The following CCDC50 variants were observed in gnomAD, a reference collection of about 807,000 sequenced individuals.
The protein encoded by CCDC50 is coiled-coil domain containing 50.
CCDC50 carries 54 observed loss-of-function variants against 70.2 expected under a neutral mutation model. That is an observed-to-expected ratio of 0.77 (90% confidence interval 0.62 to 0.96). The LOEUF is 0.96. CCDC50 is among the 50% of genes least tolerant of loss of function. The probability of loss-of-function intolerance (pLI) is 0.00; values close to 1 mark genes in which losing one functional copy is unlikely to be tolerated. For missense variants in CCDC50, 558 were observed against 578.7 expected (o/e 0.96, Z 0.37); for synonymous variants, 216 against 198.8 (o/e 1.09, Z -0.73).
chr3:191,389,626 G>A (rs764463886), intron 11 of CCDC50, 24 bp downstream of exon 11: 2 of 1,539,128 alleles, frequency 1.3e-6, no homozygotes, highest in Non-Finnish European at 1.8e-6. Context: ...GTATGGTCAA[G>A]TTTAGGATCT....
intron 5 of CCDC50, chr3:191,370,388 C>T (rs187558869): frequency 3.5e-5 from 10 of 283,132 alleles, no homozygotes; most frequent in African/African-American, 1.4e-4. Flanking sequence ...CAACAGGCCC[C>T]GGTGTGTGAT....
chr3:191,332,838 T>C (rs1718036098), intron 1 of CCDC50, among the ~76,000 whole-genome samples: 1 of 152,250 alleles, frequency 6.6e-6, no homozygotes, highest in Non-Finnish European at 1.5e-5. Context: ...GTCCACTTGC[T>C]GTAATTTTGC....
intron 10 of CCDC50, among the ~76,000 whole-genome samples, chr3:191,387,911 G>T (rs1456599931): frequency 2.0e-5 from 3 of 152,060 alleles, no homozygotes; most frequent in Non-Finnish European, 4.4e-5. Context: ...TCTTGGGCCT[G>T]AGTCACTTCT....
At chr3:191,357,816 T>C (rs1712342084) in intron 2 of CCDC50, among the ~76,000 whole-genome samples, 182 bp from the exon 3 acceptor site, 1 of 152,224 alleles carries the variant, frequency 6.6e-6, no homozygotes, top group Admixed American at 6.5e-5. Context: ...GATCCTCTTT[T>C]TACTTAATGG....
At chr3:191,384,662 T>A (rs1269174484) in intron 10 of CCDC50, among the ~76,000 whole-genome samples, 1 of 152,142 alleles carries the variant, frequency 6.6e-6, no homozygotes, top group Non-Finnish European at 1.5e-5. Flanking sequence ...TGTTGTTATT[T>A]TTCAAAAATT....
At chr3:191,367,588 A>G (rs915248728) in intron 4 of CCDC50, among the ~76,000 whole-genome samples, 1 of 152,174 alleles carries the variant, frequency 6.6e-6, no homozygotes, top group Non-Finnish European at 1.5e-5. Context: ...GTACAATGGA[A>G]AGTCTGAACT....
At chr3:191,364,922 G>GTTCTCCCTAGGCTCTTTTACA (rs1712629242) in intron 4 of CCDC50, among the ~76,000 whole-genome samples, 1 of 151,780 alleles carries the variant, frequency 6.6e-6, no homozygotes, top group Non-Finnish European at 1.5e-5. Context: ...CTCGAATATG[G>GTTCTCCCTAGGCTCTTTTACA]TAGTTCTCCC....
intron 6 of CCDC50, 117 bp downstream of exon 6, chr3:191,375,706 G>A: frequency 9.2e-7 from 1 of 1,090,318 alleles, no homozygotes; most frequent in South Asian, 1.4e-5. Context: ...TCATGACTTT[G>A]AAATAAATCC....
At chr3:191,343,661 G>T (rs1711811480) in intron 1 of CCDC50, among the ~76,000 whole-genome samples, 1 of 152,100 alleles carries the variant, frequency 6.6e-6, no homozygotes, top group Non-Finnish European at 1.5e-5. Context: ...TTTAAAGAAG[G>T]TACAGGAGAC....
At chr3:191,376,781 G>A (rs753011454) in intron 6 of CCDC50, among the ~76,000 whole-genome samples, 1 of 152,116 alleles carries the variant, frequency 6.6e-6, no homozygotes, top group African/African-American at 2.4e-5. Context: ...AAAAATAGAG[G>A]AAAGTGTGAT....
Position 191,380,703 on chromosome 3 carries a change from T to C in CCDC50, c.1109T>C (p.Met370Thr). ...EEELLATQVDMRAAQVAQDEE... is the reference protein window; with the variant it reads ...EEELLATQVDTRAAQVAQDEE... ...ATATCATAGGCTACCCAGGTGGACA[T>C]GAGAGCCGCTCAAGTAGCTCAAGAT... The change falls in exon 8 of 12, where the codon ATG becomes ACG. Residue 370 changes from methionine to threonine, a missense_variant. Physicochemically the swap from Met to Thr is moderately conservative, Grantham distance 81. Transcript: ENST00000392455. 1 of 1,612,672 alleles carries C rather than the reference T, an allele frequency of 6.2e-7. No individual in the cohort carries two copies. Among genetic ancestry groups the C allele is most frequent in the Non-Finnish European group, 8.5e-7 (1 of 1,179,148 alleles).
intron 5 of CCDC50, chr3:191,370,371 C>A (rs1344898747): frequency 3.4e-6 from 1 of 296,616 alleles, no homozygotes; most frequent in East Asian, 9.1e-5. Context: ...CCCCTCCCCC[C>A]ACCCCACAAC....
In CCDC50 at chr3:191,398,029, A is replaced by G. The variant is rs1043305677; in HGVS notation, c.*6269A>G. Reference sequence around the variant, plus strand: ...ATATACACTCATCTGGACTAGGCCAATGGAAGCAGTCTCTTTCAGTTCACC... The same window carrying G: ...ATATACACTCATCTGGACTAGGCCAGTGGAAGCAGTCTCTTTCAGTTCACC... On this transcript the variant is annotated 3_prime_UTR_variant, in exon 12 of 12. Coordinates refer to ENST00000392455, the MANE Select transcript of CCDC50 (RefSeq NM_178335.3). 44 of 152,218 alleles carry G rather than the reference A, an allele frequency of 2.9e-4. 2 individuals are homozygous for G. The highest frequency in any genetic ancestry group is 2.7e-3 in the Admixed American group (41 of 15,276). The allele number at this position is 152,218 out of a possible 1,614,324, so 9.4% of individuals were successfully genotyped here.
chr3:191,348,373 C>A (rs1449963317), intron 1 of CCDC50, among the ~76,000 whole-genome samples: 1 of 142,448 alleles, frequency 7.0e-6, no homozygotes, highest in African/African-American at 2.5e-5. Flanking sequence ...AAACCAATAA[C>A]CATAAGAATC....
At chr3:191,362,787 A>G (rs904178256) in intron 4 of CCDC50, among the ~76,000 whole-genome samples, 1 of 152,300 alleles carries the variant, frequency 6.6e-6, no homozygotes, top group East Asian at 1.9e-4. Flanking sequence ...TGAATGTGAA[A>G]CACCTGGTAT....
chr3:191,335,159 CAT>C (rs993298985), intron 1 of CCDC50, among the ~76,000 whole-genome samples: 3 of 152,092 alleles, frequency 2.0e-5, no homozygotes, highest in Admixed American at 6.6e-5. Flanking sequence ...TGACAAAAAA[CAT>C]GTGAGTTTCA....
intron 1 of CCDC50, among the ~76,000 whole-genome samples, chr3:191,340,895 G>T (rs543789651): frequency 3.3e-5 from 5 of 152,260 alleles, no homozygotes; most frequent in African/African-American, 1.2e-4. Flanking sequence ...GCGTGCAGTG[G>T]TGCAGTCATA....
In CCDC50 at chr3:191,329,937, G is replaced by T. The variant is rs112686490; in HGVS notation, c.49+214G>T. Among the ~76,000 whole-genome samples the T allele has an allele frequency of 0.019, 1,877 of 99,296 alleles. 72 individuals are homozygous for T. The highest frequency in any genetic ancestry group is 0.093 in the African/African-American group (1,789 of 19,194). 65.1% of individuals were successfully genotyped at this position (99,296 alleles called of 152,430 possible). ...TCCAAGCCCGTTTTTTCTCAAGGGG[G>T]TGGTTGGGGGGGGGGGGGGCTAGCA... On this transcript the variant is annotated intron_variant, in intron 1 of 11. Transcript: ENST00000392455.
intron 10 of CCDC50, among the ~76,000 whole-genome samples, chr3:191,383,653 T>C (rs1184429567): frequency 6.6e-6 from 1 of 152,216 alleles, no homozygotes; most frequent in Non-Finnish European, 1.5e-5. Context: ...GCTCCTAGAC[T>C]TGTTTCCTTC....
Sources: gnomAD v4.1 joint callset for allele counts (sites outside exome capture counted in the v4.1 genomes callset) on GRCh38, gnomAD v4.1.1 for gene constraint, MANE v1.5 for transcripts, NCBI Gene and HGNC (gene_info 2026-07-23, HGNC 2026-07-21) for gene names.